The following PKP4 variants were observed in gnomAD, a reference collection of about 807,000 sequenced individuals.
PKP4 encodes plakophilin-4.
In PKP4, 90 loss-of-function variants were observed where a neutral mutation model predicts 145.1. That is an observed-to-expected ratio of 0.62 (90% CI 0.52 to 0.74). PKP4 has a LOEUF of 0.74. Ranked by LOEUF, PKP4 falls within the 30% of genes least tolerant of loss-of-function variation. The pLI, the probability that PKP4 is intolerant of heterozygous loss-of-function variation, is 0.00. For missense variants in PKP4, 1,340 were observed against 1,482.7 expected (o/e 0.90, Z 1.58); for synonymous variants, 563 against 577.2 (o/e 0.98, Z 0.35).
At chr2:158,510,139 T>C (rs908021420) in intron 1 of PKP4, among the ~76,000 whole-genome samples, 2 of 152,216 alleles carry the variant, frequency 1.3e-5, no homozygotes, top group African/African-American at 4.8e-5. Flanking sequence ...TGATTCTTTC[T>C]GACATTTTTA....
intron 1 of PKP4, among the ~76,000 whole-genome samples, chr2:158,522,230 C>A (rs985948112): frequency 1.3e-5 from 2 of 152,128 alleles, no homozygotes; most frequent in African/African-American, 4.8e-5. Flanking sequence ...AGTTGATTTG[C>A]CATCTCTGGA....
intron 6 of PKP4, among the ~76,000 whole-genome samples, chr2:158,624,449 A>T (rs1211891592): frequency 2.6e-5 from 4 of 152,238 alleles, no homozygotes; most frequent in African/African-American, 9.6e-5. Context: ...TTTGTTTTAC[A>T]TAAATGCATT....
intron 2 of PKP4, among the ~76,000 whole-genome samples, chr2:158,539,798 T>C (rs1276247923): frequency 2.0e-5 from 3 of 152,208 alleles, no homozygotes; most frequent in South Asian, 2.1e-4. Context: ...CAGAGCCTTG[T>C]GACACTGTTT....
At chr2:158,666,657 A>T (rs2057113898) in intron 16 of PKP4, 94 bp downstream of exon 16, 2 of 1,044,694 alleles carry the variant, frequency 1.9e-6, no homozygotes, top group South Asian at 2.2e-5. Context: ...GGCTTGTAAA[A>T]TCATTAACAG....
At chr2:158,676,693 TTC>T (rs778593110) in intron 19 of PKP4, 44 bp from the exon 20 acceptor site, 1 of 1,611,316 alleles carries the variant, frequency 6.2e-7, no homozygotes. Context: ...TGATGCTGAT[TTC>T]TCTTTCTACC....
chr2:158,542,878 T>G (rs1008681209), intron 2 of PKP4, among the ~76,000 whole-genome samples: 1 of 152,164 alleles, frequency 6.6e-6, no homozygotes, highest in African/African-American at 2.4e-5. Context: ...GAGTAAGATA[T>G]GAGAATCAGT....
In PKP4 at chr2:158,678,589, A is replaced by G. The variant is rs1323806351; in HGVS notation, c.3265A>G (p.Lys1089Glu). 1.2e-6 allele frequency: 2 copies of G among 1,609,460 alleles called. No homozygotes were observed. Among genetic ancestry groups the G allele is most frequent in the African/African-American group, 2.7e-5 (2 of 74,860 alleles). ...AAAATATTTTCTTACAGGCTCCAGC[A>G]AACCTTCACCAATTTACATCAGTTC... ...THKGLYPGSS[K>E]PSPIYISSYS... The change falls in exon 21 of 22, where the codon AAA (lysine) becomes GAA (glutamate). Residue 1089 changes from lysine (K) to glutamate (E), a missense_variant. Lys to Glu is a moderately conservative substitution (Grantham distance 56). Transcript: ENST00000389759.
rs1246667466 is a variant in PKP4, at chr2:158,459,725, A to G, written c.-6+2507A>G. ...TTTTTGACTTGATGTCAAGATTGGG[A>G]AGTAAAAGCAAATTTAGTTTCCCTG... On this transcript the variant is annotated intron_variant, in intron 1 of 21. Coordinates refer to ENST00000389759, the MANE Select transcript of PKP4 (RefSeq NM_003628.6). Among the ~76,000 whole-genome samples the G allele has an allele frequency of 3.9e-5, 6 of 152,176 alleles. No homozygotes were observed. The East Asian group carries it at 7.7e-4, about 20-fold the overall frequency.
At chr2:158,559,652 G>A (rs893025895) in intron 2 of PKP4, among the ~76,000 whole-genome samples, 15 of 152,150 alleles carry the variant, frequency 9.9e-5, no homozygotes, top group African/African-American at 3.4e-4. Flanking sequence ...TGTATTAACT[G>A]GAGGTAGGGA....
intron 2 of PKP4, among the ~76,000 whole-genome samples, chr2:158,559,777 A>G (rs1447253509): frequency 6.6e-6 from 1 of 152,186 alleles, no homozygotes; most frequent in Non-Finnish European, 1.5e-5. Context: ...AAAGAGTAAT[A>G]TGATGGGAAA....
Position 158,642,838 on chromosome 2 carries a change from G to A in PKP4, c.1909+139G>A, listed in dbSNP as rs76613330. The stretch of plus-strand genomic sequence containing the variant: ...TATATATAGTGCTCACAACTGTGAA[G>A]GCTGAGAATTATTTAGTCTAATGAG... On this transcript the variant is annotated intron_variant, in intron 11 of 21. Transcript: ENST00000389759. The A allele has an allele frequency of 0.021, 10,549 of 507,704 alleles. 360 individuals carry two copies. The highest frequency in any genetic ancestry group is 0.11 in the African/African-American group (5,704 of 52,188). The allele number at this position is 507,704 out of a possible 1,614,324, so 31.4% of individuals were successfully genotyped here. A position where few individuals can be genotyped will look rare whatever the true frequency, so the allele number is the denominator to read the frequency against.
At chr2:158,598,251 G>A (rs17421736) in intron 3 of PKP4, among the ~76,000 whole-genome samples, 2,071 of 152,236 alleles carry the variant, frequency 0.014, 19 homozygotes, top group Non-Finnish European at 0.022. Context: ...CTTGCTAAGA[G>A]ACTAGTAACA....
intron 1 of PKP4, among the ~76,000 whole-genome samples, chr2:158,488,461 C>T (rs1694491413): frequency 6.6e-6 from 1 of 152,066 alleles, no homozygotes; most frequent in Admixed American, 6.6e-5. Context: ...GTTTATTATG[C>T]CCCTTGTATT....
In PKP4 at chr2:158,533,381, G is replaced by C; in HGVS notation, c.132+65G>C. 3 of 1,571,072 alleles carry C rather than the reference G, an allele frequency of 1.9e-6. No individual in the cohort carries two copies. In the East Asian group the frequency reaches 6.8e-5, roughly 35 times the overall value. ...TAATGCCTTTAAAAAATTAATCTTT[G>C]GATATGTTTTAAATTTGTGTAACGT... On this transcript the variant is annotated intron_variant, in intron 2 of 21. Coordinates refer to ENST00000389759, the MANE Select transcript of PKP4 (RefSeq NM_003628.6).
At chr2:158,540,289 A>C (rs1017927503) in intron 2 of PKP4, among the ~76,000 whole-genome samples, 1 of 152,238 alleles carries the variant, frequency 6.6e-6, no homozygotes, top group Non-Finnish European at 1.5e-5. Context: ...AACAGACTCC[A>C]TGTGGCTGTT....
At chr2:158,627,271 C>G (rs2052888469) in intron 7 of PKP4, among the ~76,000 whole-genome samples, 1 of 152,056 alleles carries the variant, frequency 6.6e-6, no homozygotes, top group Non-Finnish European at 1.5e-5. Flanking sequence ...CATATTCCCC[C>G]GTGTGTATAG....
At chr2:158,471,447 A>G (rs1691558145) in intron 1 of PKP4, among the ~76,000 whole-genome samples, 1 of 152,230 alleles carries the variant, frequency 6.6e-6, no homozygotes, top group African/African-American at 2.4e-5. Flanking sequence ...TATTTTCTGG[A>G]TCATGAGATC....
chr2:158,582,879 T>G (rs1474542630), intron 3 of PKP4, among the ~76,000 whole-genome samples: 1 of 152,152 alleles, frequency 6.6e-6, no homozygotes, highest in African/African-American at 2.4e-5. Context: ...ATGAATCAAT[T>G]TTAGGTCCAC....
intron 1 of PKP4, among the ~76,000 whole-genome samples, chr2:158,521,216 A>G (rs1404492549): frequency 6.6e-6 from 1 of 152,202 alleles, no homozygotes; most frequent in Non-Finnish European, 1.5e-5. Context: ...GATAGTTACC[A>G]TTATTCCAGG....
Sources: gnomAD v4.1 joint callset for allele counts (sites outside exome capture counted in the v4.1 genomes callset) on GRCh38, gnomAD v4.1.1 for gene constraint, MANE v1.5 for transcripts, NCBI Gene and HGNC (gene_info 2026-07-23, HGNC 2026-07-21) for gene names.